Variants in SHISA9 observed in about 807,000 individuals in gnomAD.
The protein encoded by SHISA9 is shisa family member 9.
In SHISA9, 13 loss-of-function variants were observed where a neutral mutation model predicts 38.0. The observed-to-expected ratio is 0.34, with a 90% CI of 0.22 to 0.54. The LOEUF is 0.54. SHISA9 is among the 20% of genes least tolerant of loss of function. The pLI is 0.91. For missense variants in SHISA9, 538 were observed against 575.8 expected (o/e 0.93, Z 0.67); for synonymous variants, 275 against 242.0 (o/e 1.14, Z -1.27).
At chr16:13,550,239 A>G in the SHISA9 span, among the ~76,000 whole-genome samples, 2 of 152,030 alleles carry the variant, frequency 1.3e-5, no homozygotes, top group Admixed American at 6.6e-5. Context: ...CTAGATTTTA[A>G]GCTCCGTGAA....
rs556342726 is a variant in SHISA9 at position 12,961,466 on chromosome 16, A to C, written c.691+44651A>C. Among the ~76,000 whole-genome samples, 9 of 152,318 alleles carry C rather than the reference A, an allele frequency of 5.9e-5. No homozygotes were observed. In the South Asian group the frequency reaches 1.9e-3, roughly 32 times the overall value. On this transcript the variant is annotated intron_variant, in intron 2 of 4. Coordinates refer to ENST00000558583, the MANE Select transcript of SHISA9 (RefSeq NM_001145204.3). ...GCCAGAAGTGGAGGCGGTTCCATCA[A>C]CACGGAGTGGATTAAATAAACCATA...
chr16:13,108,375 C>T (rs1183917833), intron 2 of SHISA9, among the ~76,000 whole-genome samples: 1 of 152,204 alleles, frequency 6.6e-6, no homozygotes, highest in Non-Finnish European at 1.5e-5. Context: ...AGCAATCCTC[C>T]TGCCTTGGCT....
chr16:13,050,111 C>A (rs2073233568), intron 2 of SHISA9, among the ~76,000 whole-genome samples: 1 of 151,988 alleles, frequency 6.6e-6, no homozygotes, highest in East Asian at 1.9e-4. Flanking sequence ...GGAGCGATGT[C>A]TAGGATATAT....
chr16:13,258,755 A>G, the SHISA9 span, among the ~76,000 whole-genome samples: 1 of 152,216 alleles, frequency 6.6e-6, no homozygotes, highest in Non-Finnish European at 1.5e-5. Context: ...ATCAGATTTC[A>G]TGAGACTTAT....
At chr16:13,293,985 C>T in the SHISA9 span, among the ~76,000 whole-genome samples, 1 of 152,210 alleles carries the variant, frequency 6.6e-6, no homozygotes, top group African/African-American at 2.4e-5. Context: ...CTGACACTGG[C>T]TTATCCAACA....
the SHISA9 span, among the ~76,000 whole-genome samples, chr16:13,476,903 C>T: frequency 2.0e-4 from 31 of 151,948 alleles, no homozygotes; most frequent in Admixed American, 1.6e-3. Context: ...CGCCCACCAC[C>T]ACACCCAGCT....
chr16:13,511,805 G>C, the SHISA9 span, among the ~76,000 whole-genome samples: 5 of 152,136 alleles, frequency 3.3e-5, no homozygotes, highest in East Asian at 9.6e-4. Flanking sequence ...CAGAGAGAGA[G>C]AGAGAAATCT....
the SHISA9 span, among the ~76,000 whole-genome samples, chr16:13,553,352 C>G: frequency 6.6e-6 from 1 of 152,210 alleles, no homozygotes; most frequent in Non-Finnish European, 1.5e-5. Context: ...CTATTGAACA[C>G]TCTATCTCAT....
At chr16:13,348,473 C>T in the SHISA9 span, among the ~76,000 whole-genome samples, 6 of 151,952 alleles carry the variant, frequency 3.9e-5, no homozygotes, top group East Asian at 2.0e-4. Flanking sequence ...CCTTAATGTA[C>T]GGGTGAGGAA....
chr16:13,287,844 G>T, the SHISA9 span, among the ~76,000 whole-genome samples: 1 of 152,152 alleles, frequency 6.6e-6, no homozygotes, highest in Non-Finnish European at 1.5e-5. Flanking sequence ...AGGCCTCCTA[G>T]AACTACTTAG....
At chr16:12,976,953 G>C (rs1415641296) in intron 2 of SHISA9, among the ~76,000 whole-genome samples, 1 of 152,218 alleles carries the variant, frequency 6.6e-6, no homozygotes, top group African/African-American at 2.4e-5. Context: ...TGAGGGTTGC[G>C]TGGTTTCTCT....
intron 2 of SHISA9, among the ~76,000 whole-genome samples, chr16:13,037,295 G>A (rs770044580): frequency 1.9e-4 from 29 of 152,050 alleles, no homozygotes; most frequent in Admixed American, 1.3e-3. Flanking sequence ...AGAATTACAG[G>A]TACATTTTCC....
the SHISA9 span, among the ~76,000 whole-genome samples, chr16:13,500,137 C>G: frequency 2.6e-5 from 4 of 152,112 alleles, no homozygotes; most frequent in African/African-American, 9.7e-5. Context: ...GCGGTTTCCC[C>G]CATGCTGTTC....
At chr16:13,399,159 G>A in the SHISA9 span, among the ~76,000 whole-genome samples, 1 of 151,954 alleles carries the variant, frequency 6.6e-6, no homozygotes, top group East Asian at 1.9e-4. Flanking sequence ...GGACACTGAG[G>A]TGGGAGGATG....
At chr16:13,283,341 G>T in the SHISA9 span, among the ~76,000 whole-genome samples, 3 of 152,068 alleles carry the variant, frequency 2.0e-5, no homozygotes, top group African/African-American at 7.2e-5. Context: ...GGCCAAAGCG[G>T]TAGGTCTTAC....
chr16:13,167,072 C>CTTTTTTTTTTTTTTT (rs11372669), intron 2 of SHISA9, among the ~76,000 whole-genome samples: 1 of 124,430 alleles, frequency 8.0e-6, no homozygotes, highest in African/African-American at 3.0e-5. Context: ...TCTCTTTTTT[C>CTTTTTTTTTTTTTTT]TTTTTTTTTT....
the SHISA9 span, among the ~76,000 whole-genome samples, chr16:13,344,486 A>G: frequency 6.6e-6 from 1 of 151,578 alleles, no homozygotes; most frequent in African/African-American, 2.4e-5. Flanking sequence ...GGTTCTCTAA[A>G]GCTGTGGCAG....
At chr16:12,998,320 T>G (rs1208927066) in intron 2 of SHISA9, among the ~76,000 whole-genome samples, 5 of 152,212 alleles carry the variant, frequency 3.3e-5, no homozygotes, top group Non-Finnish European at 7.3e-5. Context: ...ACAATTGACA[T>G]TTATTTCTTG....
At chr16:13,353,010 C>T in the SHISA9 span, among the ~76,000 whole-genome samples, 3 of 152,128 alleles carry the variant, frequency 2.0e-5, no homozygotes, top group African/African-American at 7.2e-5. Flanking sequence ...GGCTCAGAGG[C>T]CTGACATTCC....
Sources: gnomAD v4.1 joint callset for allele counts (sites outside exome capture counted in the v4.1 genomes callset) on GRCh38, gnomAD v4.1.1 for gene constraint, MANE v1.5 for transcripts, NCBI Gene and HGNC (gene_info 2026-07-23, HGNC 2026-07-21) for gene names.